The following GAPVD1 variants were observed in gnomAD, a reference collection of about 807,000 sequenced individuals.
The protein encoded by GAPVD1 is GTPase-activating protein and VPS9 domain-containing protein 1.
Under a neutral mutation model 155.5 loss-of-function variants are expected in GAPVD1, and 35 were observed. That is an observed-to-expected ratio of 0.23 (90% CI 0.17 to 0.30). GAPVD1 has a LOEUF of 0.30. Ranked by LOEUF, GAPVD1 falls within the 10% of genes least tolerant of loss-of-function variation. The probability of loss-of-function intolerance (pLI) is 1.00; values close to 1 mark genes in which losing one functional copy is unlikely to be tolerated. For synonymous variants in GAPVD1, 636 were observed against 619.7 expected (o/e 1.03, Z -0.39); for missense variants, 1,429 against 1,775.7 (o/e 0.80, Z 3.51).
At chr9:125,321,322 G>C (rs1844309461) in intron 9 of GAPVD1, 111 bp from the exon 10 acceptor site, 1 of 711,660 alleles carries the variant, frequency 1.4e-6, no homozygotes, top group South Asian at 1.8e-5. Flanking sequence ...TAGGTTTGTA[G>C]TTAAAAATTG....
At chr9:125,336,290 C>CAA (rs34270139) in intron 15 of GAPVD1, among the ~76,000 whole-genome samples, 13 of 129,166 alleles carry the variant, frequency 1.0e-4, no homozygotes, top group East Asian at 2.3e-4. Flanking sequence ...AGCTTGAGAC[C>CAA]AAAAAAAAAA....
intron 2 of GAPVD1, among the ~76,000 whole-genome samples, chr9:125,275,382 G>GTT (rs975974611): frequency 6.6e-6 from 1 of 152,126 alleles, no homozygotes; most frequent in African/African-American, 2.4e-5. Context: ...AACCTAAATT[G>GTT]TTTATTTTTT....
chr9:125,329,915 C>T (rs1845842473), intron 12 of GAPVD1, among the ~76,000 whole-genome samples, 163 bp from the exon 13 acceptor site: 1 of 152,164 alleles, frequency 6.6e-6, no homozygotes, highest in African/African-American at 2.4e-5. Context: ...CTCCTGGCCT[C>T]AAGTGATCTG....
intron 2 of GAPVD1, among the ~76,000 whole-genome samples, chr9:125,273,156 T>C (rs1835188631): frequency 6.6e-6 from 1 of 152,222 alleles, no homozygotes; most frequent in Admixed American, 6.6e-5. Context: ...GATTTGGTGG[T>C]ATTTAATTTC....
intron 23 of GAPVD1, 81 bp downstream of exon 23, chr9:125,350,953 A>T: frequency 9.0e-7 from 1 of 1,112,844 alleles, no homozygotes; most frequent in Non-Finnish European, 1.3e-6. Flanking sequence ...TTCAGAAATG[A>T]ATCTAGGCTT....
At chr9:125,348,834 A>C (rs1324385354) in intron 20 of GAPVD1, among the ~76,000 whole-genome samples, 1 of 152,156 alleles carries the variant, frequency 6.6e-6, no homozygotes, top group African/African-American at 2.4e-5. Flanking sequence ...TTAAGACATA[A>C]AACCAACTTT....
chr9:125,331,793 G>T (rs1160828949), intron 13 of GAPVD1, 133 bp from the exon 14 acceptor site: 1 of 746,138 alleles, frequency 1.3e-6, no homozygotes, highest in Non-Finnish European at 2.2e-6. Flanking sequence ...GCATTAACTA[G>T]TCCAGACTTA....
At chr9:125,273,511 T>TA (rs1164135654) in intron 2 of GAPVD1, among the ~76,000 whole-genome samples, 4 of 151,554 alleles carry the variant, frequency 2.6e-5, no homozygotes, top group East Asian at 1.9e-4. Context: ...TTTTTTTTTT[T>TA]AATTCTTCAG....
chr9:125,324,921 G>C (rs13297440), intron 11 of GAPVD1, among the ~76,000 whole-genome samples: 62,826 of 151,836 alleles, frequency 0.41, 13,402 homozygotes, highest in Middle Eastern at 0.53. Flanking sequence ...TTTTGGATTT[G>C]TTCATTTAAG....
chr9:125,326,598 C>T lies in GAPVD1; in HGVS notation c.2032+9C>T, dbSNP rs778423426. The T allele has an allele frequency of 6.3e-6, 10 of 1,581,732 alleles. No individual in the cohort carries two copies. The highest frequency in any genetic ancestry group is 3.3e-5 in the Admixed American group (2 of 59,810). On this transcript the variant is annotated intron_variant, in intron 12 of 27. Coordinates refer to ENST00000297933, the MANE Select transcript of GAPVD1 (RefSeq NM_001282680.3). ...CTTGCAAGAAATTGCAGGTAACTGC[C>T]ATTTAATGTCTCTGAAATATCACGG...
At chr9:125,305,768 C>T (rs909684952) in intron 6 of GAPVD1, among the ~76,000 whole-genome samples, 3 of 152,056 alleles carry the variant, frequency 2.0e-5, no homozygotes, top group Admixed American at 6.6e-5. Context: ...AGTCCTTGCA[C>T]CTTAGCCTCC....
rs760094632 is a variant in GAPVD1, at chr9:125,364,788, A to G, written c.*2042A>G. ...AGAAGTTAAATCCCATCGTAAATACATCACGAGGCCAGCTGTGTGATTTCT... is the reference window on the plus strand; with the variant it reads ...AGAAGTTAAATCCCATCGTAAATACGTCACGAGGCCAGCTGTGTGATTTCT... On this transcript the variant is annotated 3_prime_UTR_variant, in exon 28 of 28. Coordinates refer to ENST00000297933, the MANE Select transcript of GAPVD1 (RefSeq NM_001282680.3). 3.9e-5 allele frequency: 6 copies of G among 152,664 alleles called. No homozygotes were observed. Among genetic ancestry groups the G allele is most frequent in the Non-Finnish European group, 8.8e-5 (6 of 68,058 alleles). The allele number at this position is 152,664 out of a possible 1,614,324, so 9.5% of individuals were successfully genotyped here. A position where few individuals can be genotyped will look rare whatever the true frequency, so the allele number is the denominator to read the frequency against.
At chr9:125,275,741 G>A (rs937044856) in intron 2 of GAPVD1, among the ~76,000 whole-genome samples, 1 of 152,146 alleles carries the variant, frequency 6.6e-6, no homozygotes, top group Non-Finnish European at 1.5e-5. Context: ...GGGGGACAGA[G>A]CGAGACTCTT....
At position 125,326,534 on chromosome 9, in the gene GAPVD1, C is replaced by T. The variant is rs936770479; in HGVS notation, c.1977C>T (p.Val659=). The T allele has an allele frequency of 2.5e-6, 4 of 1,612,604 alleles. No homozygotes were observed. The highest frequency in any genetic ancestry group is 1.3e-5 in the African/African-American group (1 of 74,876). ...TGAGTGAGACCTGGAGTACAGACGT[C>T]TTGGGAAGTGACTTTGACCCTAATA... ...ETVSETWSTD[V]LGSDFDPNID... Residue 659 remains valine (V), a synonymous_variant, in exon 12 of 28, where the codon GTC becomes GTT. Transcript: ENST00000297933.
At chr9:125,277,158 C>A (rs1028486359) in intron 2 of GAPVD1, among the ~76,000 whole-genome samples, 1 of 152,162 alleles carries the variant, frequency 6.6e-6, no homozygotes, top group Non-Finnish European at 1.5e-5. Flanking sequence ...CTTTATCAGT[C>A]AGTCATTTTT....
chr9:125,332,333 G>A (rs1222351660), intron 14 of GAPVD1, among the ~76,000 whole-genome samples, 177 bp from the exon 15 acceptor site: 2 of 152,128 alleles, frequency 1.3e-5, no homozygotes, highest in African/African-American at 4.8e-5. Context: ...ATTATGTTGT[G>A]TAAAGCAAGG....
intron 2 of GAPVD1, among the ~76,000 whole-genome samples, chr9:125,273,324 T>C (rs1192886932): frequency 6.6e-6 from 1 of 152,126 alleles, no homozygotes; most frequent in Non-Finnish European, 1.5e-5. Context: ...GTGTGCAGCT[T>C]GTTATTGTTG....
chr9:125,351,752 T>A (rs934346265), intron 23 of GAPVD1, among the ~76,000 whole-genome samples: 1 of 151,112 alleles, frequency 6.6e-6, no homozygotes. Context: ...TTTTTTTTTT[T>A]CCCCCGAGAT....
intron 13 of GAPVD1, 105 bp from the exon 14 acceptor site, chr9:125,331,820 GA>G (rs1329596952): frequency 6.1e-6 from 6 of 977,568 alleles, no homozygotes; most frequent in Non-Finnish European, 9.6e-6. Context: ...TATTTGCACT[GA>G]TTTTATTCAT....
Sources: gnomAD v4.1 joint callset for allele counts (sites outside exome capture counted in the v4.1 genomes callset) on GRCh38, gnomAD v4.1.1 for gene constraint, MANE v1.5 for transcripts, NCBI Gene and HGNC (gene_info 2026-07-23, HGNC 2026-07-21) for gene names.